PXN: variants seen among roughly 807,000 people sequenced by gnomAD.
PXN encodes paxillin, also known as testicular tissue protein Li 134.
In PXN, 61 loss-of-function variants were observed where a neutral mutation model predicts 103.6. The ratio of observed to expected loss-of-function variants is 0.59; its 90% CI spans 0.48 to 0.73. The LOEUF (loss-of-function observed/expected upper bound fraction) is 0.73, where lower values mean the gene tolerates loss of function less well. Among genes scored for constraint, PXN ranks in the 30% least tolerant of loss-of-function variants. PXN has a pLI of 0.00. For synonymous variants in PXN, 562 were observed against 607.8 expected, an observed-to-expected ratio of 0.92 and a Z score of 1.11; for missense variants, 1,274 against 1,460.3, an observed-to-expected ratio of 0.87 and a Z score of 2.08.
chr12:120,252,656 G>T (rs1347550407), intron 1 of PXN, among the ~76,000 whole-genome samples: 2 of 152,068 alleles, frequency 1.3e-5, no homozygotes. Context: ...ATCCCCCAAA[G>T]CAGGGGCCAA....
intron 1 of PXN, among the ~76,000 whole-genome samples, chr12:120,237,809 T>C (rs988752067): frequency 6.6e-6 from 1 of 151,806 alleles, no homozygotes; most frequent in Non-Finnish European, 1.5e-5. Context: ...CCACAGAGAG[T>C]TGGCACCTCC....
rs1046233727 is a variant in PXN, at chr12:120,226,299, A to T, written c.14-1922T>A. The T allele has an allele frequency of 6.2e-6, 8 of 1,289,030 alleles. No individual in the cohort carries two copies. The African/African-American group carries it at 1.1e-4, about 17-fold the overall frequency. The allele number at this position is 1,289,030 out of a possible 1,614,324, so 79.8% of individuals were successfully genotyped here. On this transcript the variant is annotated intron_variant, in intron 1 of 14. Transcript: ENST00000637617. ...GGCAACGAATGAGTGCAACCCCAGT[A>T]GGGGGCAGGAGCAGCTGCCATCCTT...
chr12:120,232,073 G>A (rs985023139), intron 1 of PXN, among the ~76,000 whole-genome samples: 2 of 152,190 alleles, frequency 1.3e-5, no homozygotes, highest in Non-Finnish European at 2.9e-5. Flanking sequence ...CTGCCACTCA[G>A]GCTAGAGGCC....
chr12:120,248,494 A>T (rs1453875837), intron 1 of PXN, among the ~76,000 whole-genome samples: 20 of 38,772 alleles, frequency 5.2e-4, no homozygotes, highest in South Asian at 1.5e-3. Context: ...GATGACTTTC[A>T]CACACACACA....
In PXN at chr12:120,212,711, G is replaced by A. The variant is rs138710542; in HGVS notation, c.2980-131C>T. 1.5e-5 allele frequency: 16 copies of A among 1,094,640 alleles called. No homozygotes were observed. Among genetic ancestry groups the A allele is most frequent in the Admixed American group, 4.9e-5 (2 of 40,726 alleles). The allele number at this position is 1,094,640 out of a possible 1,614,324, so 67.8% of individuals were successfully genotyped here. A position where few individuals can be genotyped will look rare whatever the true frequency, so the allele number is the denominator to read the frequency against. On this transcript the variant is annotated intron_variant, in intron 14 of 14. Transcript: ENST00000637617. The surrounding 1 kb of genome is among the most constrained non-coding windows in gnomAD (Gnocchi z 7.2). Reference sequence around the variant, plus strand: ...ACTTGCTAGGCGTTTCCCATGTGCCGTGTTGTCCTAAACGCTCATTTTTCA... The same window carrying A: ...ACTTGCTAGGCGTTTCCCATGTGCCATGTTGTCCTAAACGCTCATTTTTCA...
At chr12:120,218,063 T>G (rs1883848078) in intron 7 of PXN, among the ~76,000 whole-genome samples, 1 of 144,226 alleles carries the variant, frequency 6.9e-6, no homozygotes, top group Non-Finnish European at 1.5e-5. Flanking sequence ...TTTTTTTTTT[T>G]GAGACAGTGT....
intron 1 of PXN, among the ~76,000 whole-genome samples, chr12:120,232,146 C>A (rs115397584): frequency 2.0e-5 from 3 of 152,184 alleles, no homozygotes; most frequent in Non-Finnish European, 4.4e-5. Context: ...CTCAGCCTCC[C>A]GAGTAGCTAG....
Position 120,215,801 on chromosome 12 carries a change from A to T in PXN, c.2302-140T>A. 1 of 1,285,416 alleles carries T rather than the reference A, an allele frequency of 7.8e-7. No homozygotes were observed. The highest frequency in any genetic ancestry group is 1.0e-6 in the Non-Finnish European group (1 of 975,786). 79.6% of individuals were successfully genotyped at this position (1,285,416 alleles called of 1,614,324 possible). A position where few individuals can be genotyped will look rare whatever the true frequency, so the allele number is the denominator to read the frequency against. The stretch of plus-strand genomic sequence containing the variant: ...CCACCGGCAGGACCAAAATTGGGGG[A>T]AAAAATCTGGAGAAAAAGAGCCCTG... On this transcript the variant is annotated intron_variant, in intron 9 of 14. Transcript: ENST00000637617. This position sits in a 1 kb window ranked among gnomAD's most constrained non-coding sequence, Gnocchi z 4.9.
At chr12:120,230,232 A>C (rs568337184) in intron 1 of PXN, among the ~76,000 whole-genome samples, 1 of 152,350 alleles carries the variant, frequency 6.6e-6, no homozygotes, top group African/African-American at 2.4e-5. Context: ...CTGCCATAGC[A>C]CAGGGGCCTT....
In PXN at chr12:120,230,218, C is replaced by T. The variant is rs542621896; in HGVS notation, c.14-5841G>A. On this transcript the variant is annotated intron_variant, in intron 1 of 14. Coordinates refer to ENST00000637617, the MANE Select transcript of PXN (RefSeq NM_001385981.1). The stretch of plus-strand genomic sequence containing the variant: ...CTGAAAGCTCCAGCACCAGCAGCAA[C>T]GGGCTGCCATAGCACAGGGGCCTTC... Among the ~76,000 whole-genome samples the T allele has an allele frequency of 2.1e-3, 326 of 152,364 alleles. 2 individuals carry two copies. In the South Asian group the frequency reaches 0.023, roughly 11 times the overall value.
rs773574044 is a variant in PXN, at chr12:120,215,020, G to T, written c.2575-22C>A. ...CAACCTGAGGAGGAGATGGAATGCGGTCCAGGGCCAAGGCCAGCCCCGGAG... is the reference window on the plus strand; with the variant it reads ...CAACCTGAGGAGGAGATGGAATGCGTTCCAGGGCCAAGGCCAGCCCCGGAG... On this transcript the variant is annotated intron_variant, in intron 11 of 14. Transcript: ENST00000637617. The surrounding 1 kb of genome is among the most constrained non-coding windows in gnomAD (Gnocchi z 4.9). 6.2e-7 allele frequency: 1 copy of T among 1,610,404 alleles called. No homozygotes were observed. Among genetic ancestry groups the T allele is most frequent in the Non-Finnish European group, 8.5e-7 (1 of 1,178,408 alleles).
chr12:120,243,213 A>C (rs976991461), intron 1 of PXN, among the ~76,000 whole-genome samples: 3 of 152,206 alleles, frequency 2.0e-5, no homozygotes, highest in African/African-American at 7.2e-5. Flanking sequence ...CTTGAGACTC[A>C]TAATAGCTTA....
intron 1 of PXN, among the ~76,000 whole-genome samples, chr12:120,253,611 G>C (rs1035120608): frequency 2.6e-5 from 4 of 152,208 alleles, no homozygotes; most frequent in African/African-American, 9.7e-5. Flanking sequence ...CTTCAGTTTA[G>C]CTTCCTCTGA....
rs1882005588 is a variant in PXN, at chr12:120,214,768, G to A, written c.2748+57C>T. ...CACGGCACCCCCTGCATCCTCAGAG[G>A]GCTGCGGTGAAGCTGGAATGAGCGG... On this transcript the variant is annotated intron_variant, in intron 12 of 14. Transcript: ENST00000637617. This position sits in a 1 kb window ranked among gnomAD's most constrained non-coding sequence, Gnocchi z 5.0. 8.1e-6 allele frequency: 13 copies of A among 1,598,592 alleles called. No individual in the cohort carries two copies. Among genetic ancestry groups the A allele is most frequent in the Non-Finnish European group, 1.1e-5 (13 of 1,169,750 alleles).
chr12:120,251,385 C>T (rs951376156), intron 1 of PXN, among the ~76,000 whole-genome samples: 3 of 150,988 alleles, frequency 2.0e-5, no homozygotes, highest in Admixed American at 6.6e-5. Context: ...AGCATAGTGG[C>T]GCATGCCTGT....
At chr12:120,264,972 A>G (rs3888588) in intron 1 of PXN, among the ~76,000 whole-genome samples, 23,001 of 151,810 alleles carry the variant, frequency 0.15, 2,038 homozygotes, top group East Asian at 0.46. Context: ...GGGTCAGAAG[A>G]GCAGGCAGAC....
intron 1 of PXN, among the ~76,000 whole-genome samples, chr12:120,263,493 G>C (rs1047992569): frequency 6.6e-6 from 1 of 152,134 alleles, no homozygotes; most frequent in East Asian, 1.9e-4. Context: ...AAGTCTTCTC[G>C]GTATACAAGA....
chr12:120,264,845 GA>G (rs1462194738), intron 1 of PXN, among the ~76,000 whole-genome samples: 3 of 152,032 alleles, frequency 2.0e-5, no homozygotes, highest in African/African-American at 7.2e-5. Flanking sequence ...TCTAGACTTA[GA>G]TACCATGGTA....
intron 1 of PXN, among the ~76,000 whole-genome samples, chr12:120,241,553 G>A (rs1184762363): frequency 6.6e-6 from 1 of 152,212 alleles, no homozygotes; most frequent in Admixed American, 6.5e-5. Context: ...CATGGGAGGG[G>A]CAAATATACA....
Sources: allele counts gnomAD v4.1 joint callset (sites outside exome capture counted in the v4.1 genomes callset), GRCh38; gene constraint gnomAD v4.1.1; non-coding constraint Gnocchi (gnomAD v3.1); transcripts MANE v1.5; gene names NCBI Gene and HGNC (gene_info 2026-07-23, HGNC 2026-07-21).